The following TMPRSS15 variants were observed in gnomAD, a reference collection of about 807,000 sequenced individuals.
TMPRSS15 encodes enteropeptidase.
In TMPRSS15, 128 loss-of-function variants were observed where a neutral mutation model predicts 125.3. That is an observed-to-expected ratio of 1.02 (90% CI 0.89 to 1.18). The LOEUF (loss-of-function observed/expected upper bound fraction) is 1.18. Among genes scored for constraint, TMPRSS15 ranks in the 50% most tolerant of loss-of-function variants. The pLI is 0.00. For missense variants in TMPRSS15, 1,283 were observed against 1,212.7 expected (o/e 1.06, Z -0.86); for synonymous variants, 446 against 423.2 (o/e 1.05, Z -0.66).
At chr21:18,358,391 T>C (rs1303673856) in intron 8 of TMPRSS15, among the ~76,000 whole-genome samples, 2 of 151,906 alleles carry the variant, frequency 1.3e-5, no homozygotes, top group African/African-American at 2.4e-5. Context: ...GTAAAGTTTA[T>C]TAATGTCACA....
At chr21:18,389,849 C>A (rs1480936924) in intron 3 of TMPRSS15, among the ~76,000 whole-genome samples, 1 of 152,060 alleles carries the variant, frequency 6.6e-6, no homozygotes, top group Admixed American at 6.6e-5. Context: ...TTATTTTGTC[C>A]TTAGGATCTT....
intron 1 of TMPRSS15, among the ~76,000 whole-genome samples, chr21:18,425,130 A>G (rs1173779505): frequency 6.6e-6 from 1 of 151,848 alleles, no homozygotes; most frequent in Non-Finnish European, 1.5e-5. Context: ...GAAAATTTAA[A>G]AGAATATATA....
chr21:18,354,811 G>C (rs763113270), intron 8 of TMPRSS15, among the ~76,000 whole-genome samples: 1 of 151,720 alleles, frequency 6.6e-6, no homozygotes, highest in Non-Finnish European at 1.5e-5. Context: ...ATCTGAGCAT[G>C]GCATTAGATT....
chr21:18,272,406 C>T (rs2074568629), intron 24 of TMPRSS15, among the ~76,000 whole-genome samples: 1 of 151,954 alleles, frequency 6.6e-6, no homozygotes, highest in Non-Finnish European at 1.5e-5. Context: ...CTTCCACTGT[C>T]TTGGAGATAT....
At chr21:18,484,212 G>A (rs902980014) in intron 1 of TMPRSS15, among the ~76,000 whole-genome samples, 1 of 151,800 alleles carries the variant, frequency 6.6e-6, no homozygotes, top group African/African-American at 2.4e-5. Context: ...GACGATGTAT[G>A]TACATTTTTA....
chr21:18,370,691 AG>A (rs2075783754), intron 6 of TMPRSS15, among the ~76,000 whole-genome samples: 1 of 152,144 alleles, frequency 6.6e-6, no homozygotes, highest in African/African-American at 2.4e-5. Flanking sequence ...TAAACTTTAA[AG>A]GTCTGAATTT....
intron 16 of TMPRSS15, among the ~76,000 whole-genome samples, chr21:18,323,736 AGAATTCTTGAAAAAAATTTAGGAT>A (rs1029734340): frequency 2.0e-5 from 3 of 152,258 alleles, no homozygotes; most frequent in African/African-American, 7.2e-5. Context: ...TTTCCTTGAC[AGAATTCTTGAAAAAAATTTAGGAT>A]GGCCTCCAGT....
rs2146961277 is a variant in TMPRSS15 at position 18,326,428 on chromosome 21, C to T, written c.1921+4G>A. ...GATGCAATGTGTGATTTATGGGCTC[C>T]TACCTGGAATCCCCAAGTGATAGCC... is the stretch of plus-strand genomic sequence containing the variant. On this transcript the variant is annotated splice_donor_region_variant and intron_variant, in intron 16 of 24. Coordinates refer to ENST00000284885, the MANE Select transcript of TMPRSS15 (RefSeq NM_002772.3). The T allele has an allele frequency of 6.2e-7, 1 of 1,614,106 alleles. No homozygotes were observed.
At chr21:18,354,328 C>A (rs1016326102) in intron 8 of TMPRSS15, among the ~76,000 whole-genome samples, 2 of 151,720 alleles carry the variant, frequency 1.3e-5, no homozygotes, top group African/African-American at 2.4e-5. Flanking sequence ...AACTATACGA[C>A]CTCAAAATAA....
intron 4 of TMPRSS15, among the ~76,000 whole-genome samples, chr21:18,380,205 A>ACG (rs1487433768): frequency 8.1e-5 from 12 of 148,790 alleles, no homozygotes; most frequent in African/African-American, 2.8e-4. Context: ...ACACACACAC[A>ACG]CTCATATATC....
intron 18 of TMPRSS15, among the ~76,000 whole-genome samples, chr21:18,307,793 T>G (rs2075053254): frequency 6.6e-6 from 1 of 152,308 alleles, no homozygotes; most frequent in African/African-American, 2.4e-5. Flanking sequence ...TCATTCAAAT[T>G]AATTGAAAAA....
At position 18,312,929 on chromosome 21, in the gene TMPRSS15, C is replaced by T; in HGVS notation, c.2165+16G>A. On this transcript the variant is annotated intron_variant, in intron 18 of 24. Coordinates refer to ENST00000284885, the MANE Select transcript of TMPRSS15 (RefSeq NM_002772.3). Reference sequence around the variant, plus strand: ...TTTGCAAATCTCTTAAAAAGGAACTCAGTAGAATTACTTACCCTAGTCCCA... The same window carrying T: ...TTTGCAAATCTCTTAAAAAGGAACTTAGTAGAATTACTTACCCTAGTCCCA... 1.2e-6 allele frequency: 2 copies of T among 1,613,066 alleles called. No individual in the cohort carries two copies. Among genetic ancestry groups the T allele is most frequent in the Non-Finnish European group, 1.7e-6 (2 of 1,179,242 alleles).
intron 3 of TMPRSS15, among the ~76,000 whole-genome samples, chr21:18,396,072 C>T (rs561714426): frequency 1.4e-4 from 22 of 152,286 alleles, no homozygotes; most frequent in African/African-American, 5.1e-4. Flanking sequence ...CCAGCTGTAA[C>T]TAAAGAATAT....
chr21:18,334,143 T>C (rs1028030348), intron 13 of TMPRSS15, among the ~76,000 whole-genome samples: 14 of 152,184 alleles, frequency 9.2e-5, no homozygotes, highest in Non-Finnish European at 1.8e-4. Flanking sequence ...CTGCCTTATT[T>C]ATGTAAGTCA....
intron 21 of TMPRSS15, among the ~76,000 whole-genome samples, chr21:18,281,922 C>T (rs2074703500): frequency 6.6e-6 from 1 of 151,590 alleles, no homozygotes; most frequent in Non-Finnish European, 1.5e-5. Flanking sequence ...ACGGTGAAAC[C>T]CCGTCTCTAC....
intron 1 of TMPRSS15, among the ~76,000 whole-genome samples, chr21:18,441,513 A>T (rs13051021): frequency 1.3e-5 from 2 of 148,826 alleles, no homozygotes; most frequent in Admixed American, 6.7e-5. Flanking sequence ...AGGCTGAGGC[A>T]GAAGAATCAC....
At chr21:18,394,515 T>TTCTCTCTCTCTCTCTCTG (rs923753019) in intron 3 of TMPRSS15, among the ~76,000 whole-genome samples, 1 of 148,640 alleles carries the variant, frequency 6.7e-6, no homozygotes, top group Non-Finnish European at 1.5e-5. Flanking sequence ...ATGTATGGCA[T>TTCTCTCTCTCTCTCTCTG]TCTCTCTCTC....
chr21:18,428,854 T>C (rs2076210035), intron 1 of TMPRSS15, among the ~76,000 whole-genome samples: 1 of 152,194 alleles, frequency 6.6e-6, no homozygotes, highest in Admixed American at 6.5e-5. Context: ...GGGCACCACC[T>C]AGTGGAGCTG....
Position 18,350,608 on chromosome 21 carries a change from T to C in TMPRSS15, c.1171+2295A>G, listed in dbSNP as rs931613200. Among the ~76,000 whole-genome samples the C allele has an allele frequency of 3.9e-5, 6 of 152,232 alleles. No individual in the cohort carries two copies. In the East Asian group the frequency reaches 1.2e-3, roughly 29 times the overall value. ...CAATTCCTTACAGTTTTGATTCAAA[T>C]GTCACTTTTTCAATGAGACTTACTG... is the stretch of plus-strand genomic sequence containing the variant. On this transcript the variant is annotated intron_variant, in intron 10 of 24. Transcript: ENST00000284885.
Sources: gnomAD v4.1 joint callset for allele counts (sites outside exome capture counted in the v4.1 genomes callset) on GRCh38, gnomAD v4.1.1 for gene constraint, MANE v1.5 for transcripts, NCBI Gene and HGNC (gene_info 2026-07-23, HGNC 2026-07-21) for gene names.